The following NCOA7 variants were observed in gnomAD, a reference collection of about 807,000 sequenced individuals.
NCOA7 encodes 140 kDa estrogen receptor-associated protein.
A neutral mutation model predicts 104.3 loss-of-function variants in NCOA7; 45 were observed. The ratio of observed to expected loss-of-function variants is 0.43; its 90% confidence interval spans 0.34 to 0.55. The LOEUF (loss-of-function observed/expected upper bound fraction) is 0.55. Among genes scored for constraint, NCOA7 ranks in the 20% least tolerant of loss-of-function variants. The probability of loss-of-function intolerance (pLI) is 0.02; values close to 1 mark genes in which losing one functional copy is unlikely to be tolerated. For missense variants in NCOA7, 1,041 were observed against 1,119.7 expected, an observed-to-expected ratio of 0.93 and a Z score of 1.00; for synonymous variants, 398 against 402.3, an observed-to-expected ratio of 0.99 and a Z score of 0.13.
In NCOA7 at chr6:125,882,427, A is replaced by C. The variant is rs753914654; in HGVS notation, c.575A>C (p.Asp192Ala). 1.2e-6 allele frequency: 2 copies of C among 1,612,140 alleles called. No homozygotes were observed. Among genetic ancestry groups the C allele is most frequent in the East Asian group, 4.5e-5 (2 of 44,830 alleles). ...SSDAEYDKLP[D>A]ADLARKALKP... ...TTTGAAATTTTTTGCTTTCACAAGG[A>C]TGCTGACTTAGCACGAAAGGCCTTG... Residue 192 changes from aspartate (D) to alanine (A), a missense_variant and splice_region_variant, in exon 7 of 16, where the codon GAT becomes GCT. Asp to Ala is a moderately radical substitution (Grantham distance 126, BLOSUM62 -2). Transcript: ENST00000392477.
intron 2 of NCOA7, among the ~76,000 whole-genome samples, chr6:125,848,933 C>A (rs949825793): frequency 2.6e-5 from 4 of 152,092 alleles, no homozygotes; most frequent in African/African-American, 9.7e-5. Context: ...TGTAGAAGAG[C>A]ACATCTCAAC....
intron 8 of NCOA7, among the ~76,000 whole-genome samples, chr6:125,887,858 G>T (rs540050262): frequency 1.3e-5 from 2 of 152,200 alleles, no homozygotes; most frequent in South Asian, 4.1e-4. Context: ...AAGTGGATGG[G>T]TTTACTCAAG....
rs1011746508 is a variant in NCOA7 at position 125,929,770 on chromosome 6, C to A, written c.*999C>A. On this transcript the variant is annotated 3_prime_UTR_variant, in exon 16 of 16. Coordinates refer to ENST00000392477, the MANE Select transcript of NCOA7 (RefSeq NM_181782.5). ...TTGAAAAAAAATGTTTTGCTTCTTA[C>A]AAAATCATTTGTGTTAATAACAAAA... is the stretch of plus-strand genomic sequence containing the variant. 2 of 152,130 alleles carry A rather than the reference C, an allele frequency of 1.3e-5. No individual in the cohort carries two copies. The highest frequency in any genetic ancestry group is 2.9e-5 in the Non-Finnish European group (2 of 67,982). The allele number at this position is 152,130 out of a possible 1,614,324, so 9.4% of individuals were successfully genotyped here.
intron 3 of NCOA7, among the ~76,000 whole-genome samples, chr6:125,856,229 C>T (rs1341304123): frequency 2.0e-5 from 3 of 151,922 alleles, no homozygotes; most frequent in South Asian, 2.1e-4. Context: ...ACTGCAAATA[C>T]GGTAAATGAA....
At chr6:125,857,891 G>A (rs1410236786) in intron 3 of NCOA7, among the ~76,000 whole-genome samples, 1 of 151,850 alleles carries the variant, frequency 6.6e-6, no homozygotes, top group Non-Finnish European at 1.5e-5. Flanking sequence ...CGAGCCCAAA[G>A]CGTATGCTTT....
At chr6:125,921,187 A>AAGATGGC in intron 12 of NCOA7, 119 bp downstream of exon 12, 2 of 1,323,884 alleles carry the variant, frequency 1.5e-6, no homozygotes, top group Non-Finnish European at 2.0e-6. Context: ...AGGCAGGCGG[A>AAGATGGC]TCACTTGAGG....
intron 2 of NCOA7, among the ~76,000 whole-genome samples, chr6:125,848,702 G>C (rs1780848772): frequency 6.6e-6 from 1 of 152,066 alleles, no homozygotes; most frequent in Non-Finnish European, 1.5e-5. Context: ...TAATGTAAAT[G>C]ACGAGTTGAT....
intron 10 of NCOA7, chr6:125,900,164 G>C (rs2128670287): frequency 2.5e-6 from 1 of 396,464 alleles, no homozygotes; most frequent in Admixed American, 2.5e-5. Flanking sequence ...AGCTAGGTGG[G>C]AATGGGAACA....
chr6:125,831,073 ATGC>A (rs1779147618), intron 2 of NCOA7, among the ~76,000 whole-genome samples: 1 of 152,142 alleles, frequency 6.6e-6, no homozygotes, highest in Admixed American at 6.5e-5. Context: ...GGAAAGCTTT[ATGC>A]ATTATGGCAT....
intron 10 of NCOA7, among the ~76,000 whole-genome samples, chr6:125,901,389 G>A (rs1384749829): frequency 2.6e-5 from 4 of 152,164 alleles, no homozygotes; most frequent in Non-Finnish European, 2.9e-5. Flanking sequence ...TTTTGAGTAC[G>A]TTTGTTGGTT....
chr6:125,920,952 G>T lies in NCOA7; in HGVS notation c.2254G>T (p.Val752Phe), dbSNP rs746237943. 2.5e-6 allele frequency: 4 copies of T among 1,613,210 alleles called. No homozygotes were observed. Among genetic ancestry groups the T allele is most frequent in the Middle Eastern group, 1.7e-4 (1 of 6,060 alleles). The change falls in exon 12 of 16, where the codon GTT becomes TTT. Residue 752 changes from valine to phenylalanine, a missense_variant. Around this residue, in one of 2 missense-constraint regions of NCOA7, gnomAD observed 914 missense variants for 942.7 expected, o/e 0.97. Transcript: ENST00000392477. ...TGTTTTCTCATTTCAGATCATCACT[G>T]TTGAAGAGGCAAAGCGCAGGAAGAG... ...PTTKSWEIIT[V>F]EEAKRRKSTC...
At chr6:125,893,612 A>G (rs940677330) in intron 10 of NCOA7, among the ~76,000 whole-genome samples, 7 of 152,124 alleles carry the variant, frequency 4.6e-5, no homozygotes, top group African/African-American at 1.7e-4. Context: ...GGGGGGCCAG[A>G]GGGTGGTAGT....
upstream of NCOA7, among the ~76,000 whole-genome samples, chr6:125,788,981 T>C (rs535280453): frequency 2.6e-5 from 4 of 152,238 alleles, no homozygotes; most frequent in East Asian, 7.7e-4. Context: ...CAGGGGCCTC[T>C]TGATAGTAAA....
chr6:125,886,698 A>C lies in NCOA7; in HGVS notation c.884+1355A>C, dbSNP rs558422384. Among the ~76,000 whole-genome samples the C allele has an allele frequency of 9.2e-5, 14 of 152,352 alleles. 1 individual carries two copies. The Middle Eastern group carries it at 0.024, about 259-fold the overall frequency. On this transcript the variant is annotated intron_variant, in intron 8 of 15. Coordinates refer to ENST00000392477, the MANE Select transcript of NCOA7 (RefSeq NM_181782.5). ...ATGTGTGAGAGTCAGTGTGAAATAA[A>C]CTTTGTATTGTCTTCAGAACTTCAT...
chr6:125,890,925 G>A lies in NCOA7; in HGVS notation c.2096+115G>A. ...CTTGAATAAGAGCTTTATCTGAATTGTAGATTTTAGAATTCTAGAAGGATA... is the reference window on the plus strand; with the variant it reads ...CTTGAATAAGAGCTTTATCTGAATTATAGATTTTAGAATTCTAGAAGGATA... On this transcript the variant is annotated intron_variant, in intron 10 of 15. Coordinates refer to ENST00000392477, the MANE Select transcript of NCOA7 (RefSeq NM_181782.5). 4 of 1,030,328 alleles carry A rather than the reference G, an allele frequency of 3.9e-6. No individual in the cohort carries two copies. The South Asian group carries it at 1.1e-4, about 27-fold the overall frequency. 63.8% of individuals were successfully genotyped at this position (1,030,328 alleles called of 1,614,324 possible).
intron 3 of NCOA7, among the ~76,000 whole-genome samples, chr6:125,867,233 A>G (rs1189512847): frequency 6.6e-6 from 1 of 152,246 alleles, no homozygotes. Context: ...TGACATTTTC[A>G]TGATAATATT....
chr6:125,856,609 C>T (rs112842830), intron 3 of NCOA7, among the ~76,000 whole-genome samples: 195 of 152,220 alleles, frequency 1.3e-3, no homozygotes, highest in African/African-American at 4.5e-3. Context: ...GATGGGGCCT[C>T]CCAAAGTGCT....
At chr6:125,928,103 A>C in intron 14 of NCOA7, 71 bp from the exon 15 acceptor site, 22 of 1,323,092 alleles carry the variant, frequency 1.7e-5, no homozygotes, top group Non-Finnish European at 2.1e-5. Context: ...TATAGATACT[A>C]TTTCATATTT....
intron 10 of NCOA7, among the ~76,000 whole-genome samples, chr6:125,896,842 T>C (rs1331929009): frequency 6.6e-6 from 1 of 152,224 alleles, no homozygotes; most frequent in Non-Finnish European, 1.5e-5. Context: ...AAATGTATAA[T>C]ACATTTATTT....
Sources: allele counts gnomAD v4.1 joint callset (sites outside exome capture counted in the v4.1 genomes callset), GRCh38; gene constraint gnomAD v4.1.1; regional missense constraint gnomAD v4.1.1; transcripts MANE v1.5; gene names NCBI Gene and HGNC (gene_info 2026-07-23, HGNC 2026-07-21).